The following PLEKHA3 variants were observed in gnomAD, a reference collection of about 807,000 sequenced individuals.
PLEKHA3 encodes pleckstrin homology domain-containing family A member 3.
Under a neutral mutation model 39.2 loss-of-function variants are expected in PLEKHA3, and 19 were observed. The ratio of observed to expected loss-of-function variants is 0.48; its 90% CI spans 0.34 to 0.71. The LOEUF (loss-of-function observed/expected upper bound fraction) is 0.71. PLEKHA3 is among the 30% of genes least tolerant of loss of function. The pLI, the probability that PLEKHA3 is intolerant of heterozygous loss-of-function variation, is 0.01. For synonymous variants in PLEKHA3, 97 were observed against 118.6 expected, an observed-to-expected ratio of 0.82 and a Z score of 1.18; for missense variants, 253 against 359.5, an observed-to-expected ratio of 0.70 and a Z score of 2.40.
At chr2:178,494,992 G>T (rs1685418662) in intron 4 of PLEKHA3, among the ~76,000 whole-genome samples, 1 of 150,912 alleles carries the variant, frequency 6.6e-6, no homozygotes. Flanking sequence ...CCATGACTAG[G>T]TTAGATCAGT....
chr2:178,495,306 T>G (rs896953338), intron 4 of PLEKHA3, among the ~76,000 whole-genome samples, 190 bp from the exon 5 acceptor site: 1 of 152,186 alleles, frequency 6.6e-6, no homozygotes, highest in Non-Finnish European at 1.5e-5. Flanking sequence ...TTCTTATACA[T>G]AGATGTTTTA....
At chr2:178,495,758 T>G in intron 5 of PLEKHA3, 98 bp downstream of exon 5, 4 of 1,329,416 alleles carry the variant, frequency 3.0e-6, no homozygotes, top group Non-Finnish European at 4.1e-6. Context: ...AAGCAGGCAG[T>G]TGGGGGGCGG....
chr2:178,480,774 C>T lies in PLEKHA3; in HGVS notation c.-96C>T, dbSNP rs981920240. 1.8e-6 allele frequency: 2 copies of T among 1,110,842 alleles called. No homozygotes were observed. The highest frequency in any genetic ancestry group is 4.2e-5 in the South Asian group (1 of 23,608). The allele number at this position is 1,110,842 out of a possible 1,614,324, so 68.8% of individuals were successfully genotyped here. On this transcript the variant is annotated 5_prime_UTR_variant, in exon 1 of 8. Coordinates refer to ENST00000234453, the MANE Select transcript of PLEKHA3 (RefSeq NM_019091.4). ...CGGCTTCGTGCCGGCGGAGGGGGCCCGGGCGGGCCGGGAGGGGCTGCCCCA... is the reference window on the plus strand; with the variant it reads ...CGGCTTCGTGCCGGCGGAGGGGGCCTGGGCGGGCCGGGAGGGGCTGCCCCA...
chr2:178,485,814 G>A, intron 2 of PLEKHA3, 57 bp downstream of exon 2: 1 of 1,285,132 alleles, frequency 7.8e-7, no homozygotes, highest in South Asian at 1.2e-5. Context: ...GGGTTCTTCA[G>A]CATACTCCAG....
chr2:178,503,666 C>G lies in PLEKHA3; in HGVS notation c.776-94C>G, dbSNP rs1296376476. The G allele has an allele frequency of 4.0e-5, 52 of 1,305,124 alleles. 1 individual carries two copies. Among genetic ancestry groups the G allele is most frequent in the Non-Finnish European group, 4.6e-5 (44 of 957,344 alleles). 80.8% of individuals were successfully genotyped at this position (1,305,124 alleles called of 1,614,324 possible). On this transcript the variant is annotated intron_variant, in intron 7 of 7. Coordinates refer to ENST00000234453, the MANE Select transcript of PLEKHA3 (RefSeq NM_019091.4). ...AATTAGCCAGAAGCTAAAGGAATTT[C>G]ATGTCCCTGAACAGGAAATTTAAAA...
intron 1 of PLEKHA3, among the ~76,000 whole-genome samples, chr2:178,482,649 T>C (rs1575141165): frequency 6.6e-6 from 1 of 152,018 alleles, no homozygotes; most frequent in East Asian, 1.9e-4. Flanking sequence ...GTGGAACCAT[T>C]GGGCCATTAC....
At chr2:178,503,073 C>A (rs1685554793) in intron 7 of PLEKHA3, among the ~76,000 whole-genome samples, 1 of 151,942 alleles carries the variant, frequency 6.6e-6, no homozygotes, top group Non-Finnish European at 1.5e-5. Flanking sequence ...CTTTAACAAG[C>A]TTTTTCAAAA....
rs1006825418 is a variant in PLEKHA3, at chr2:178,510,533, C to T, written c.*6646C>T. On this transcript the variant is annotated 3_prime_UTR_variant, in exon 8 of 8. Transcript: ENST00000234453. ...AGGTGTTTAGGTCATGTGGGTACCA[C>T]CCTCATGAATAGATTAATGCCGCCG... 2 of 153,688 alleles carry T rather than the reference C, an allele frequency of 1.3e-5. No individual in the cohort carries two copies. Among genetic ancestry groups the T allele is most frequent in the Admixed American group, 1.3e-4 (2 of 15,266 alleles). The allele number at this position is 153,688 out of a possible 1,614,324, so 9.5% of individuals were successfully genotyped here.
At chr2:178,486,647 T>C (rs1393136629) in intron 2 of PLEKHA3, among the ~76,000 whole-genome samples, 1 of 152,282 alleles carries the variant, frequency 6.6e-6, no homozygotes, top group Non-Finnish European at 1.5e-5. Flanking sequence ...GTGTCTGGCT[T>C]CTTTTACTCA....
intron 4 of PLEKHA3, among the ~76,000 whole-genome samples, chr2:178,494,243 T>C (rs1685403998): frequency 1.3e-5 from 2 of 152,254 alleles, no homozygotes; most frequent in East Asian, 1.9e-4. Context: ...AATTTGGAGG[T>C]TGGAGTGGGG....
intron 5 of PLEKHA3, among the ~76,000 whole-genome samples, chr2:178,498,014 A>G (rs1172692047): frequency 1.3e-5 from 2 of 152,194 alleles, no homozygotes; most frequent in African/African-American, 2.4e-5. Flanking sequence ...AATAAAGCTG[A>G]AAATTTGAGT....
At chr2:178,487,793 A>G (rs1685274851) in intron 2 of PLEKHA3, among the ~76,000 whole-genome samples, 2 of 152,154 alleles carry the variant, frequency 1.3e-5, no homozygotes, top group African/African-American at 4.8e-5. Flanking sequence ...GTGATTATAT[A>G]AATTTTTTCT....
At chr2:178,487,150 C>T (rs1217290350) in intron 2 of PLEKHA3, among the ~76,000 whole-genome samples, 1 of 152,148 alleles carries the variant, frequency 6.6e-6, no homozygotes, top group East Asian at 1.9e-4. Flanking sequence ...TGGGGGGATT[C>T]TGGCTAAACT....
chr2:178,485,791 G>A (rs1575142017), intron 2 of PLEKHA3, 34 bp downstream of exon 2: 1 of 1,506,790 alleles, frequency 6.6e-7, no homozygotes, highest in Non-Finnish European at 9.2e-7. Flanking sequence ...GGAATTGGAG[G>A]TTAGATAGTC....
chr2:178,497,379 T>C (rs373143260), intron 5 of PLEKHA3, among the ~76,000 whole-genome samples: 25 of 151,700 alleles, frequency 1.6e-4, no homozygotes, highest in East Asian at 7.8e-4. Context: ...CACAGGCGCC[T>C]GCCACCATGC....
intron 5 of PLEKHA3, among the ~76,000 whole-genome samples, chr2:178,498,859 C>CT (rs1220165823): frequency 2.0e-5 from 3 of 151,878 alleles, no homozygotes; most frequent in Non-Finnish European, 4.4e-5. Flanking sequence ...CTAGATACTC[C>CT]TTTTTTATCA....
intron 1 of PLEKHA3, among the ~76,000 whole-genome samples, chr2:178,483,937 G>C (rs180977777): frequency 1.3e-5 from 2 of 152,108 alleles, no homozygotes; most frequent in Non-Finnish European, 2.9e-5. Context: ...AAATTAGCCA[G>C]GCATGGTGGC....
At position 178,501,149 on chromosome 2, in the gene PLEKHA3, A is replaced by G. The variant is rs374034773; in HGVS notation, c.748A>G (p.Ser250Gly). 3.7e-6 allele frequency: 6 copies of G among 1,613,058 alleles called. No individual in the cohort carries two copies. The highest frequency in any genetic ancestry group is 4.2e-6 in the Non-Finnish European group (5 of 1,179,238). Residue 250 changes from serine (S) to glycine (G), a missense_variant, in exon 7 of 8, where the codon AGT (serine) becomes GGT (glycine). Around this residue, in one of 2 missense-constraint regions of PLEKHA3, gnomAD observed 127 missense variants for 136.8 expected, o/e 0.93. Transcript: ENST00000234453. ...RRTYSDTDSC[S>G]DIPLEDPDRP... ...AACCTACTCAGATACAGATTCTTGT[A>G]GTGATATTCCTCTTGAAGACCCAGA...
chr2:178,502,710 T>G (rs1040897940), intron 7 of PLEKHA3, among the ~76,000 whole-genome samples: 3 of 151,774 alleles, frequency 2.0e-5, no homozygotes, highest in Non-Finnish European at 4.4e-5. Flanking sequence ...TTGAAAACAA[T>G]TTTCAAAAGA....
Sources: allele counts gnomAD v4.1 joint callset (sites outside exome capture counted in the v4.1 genomes callset), GRCh38; gene constraint gnomAD v4.1.1; regional missense constraint gnomAD v4.1.1; transcripts MANE v1.5; gene names NCBI Gene and HGNC (gene_info 2026-07-23, HGNC 2026-07-21).